The following SLC39A11 variants were observed in gnomAD, a reference collection of about 807,000 sequenced individuals.
SLC39A11 encodes solute carrier family 39 member 11.
SLC39A11 carries 33 observed loss-of-function variants against 36.1 expected under a neutral mutation model. The ratio of observed to expected loss-of-function variants is 0.91; its 90% CI spans 0.69 to 1.22. The LOEUF (loss-of-function observed/expected upper bound fraction) is 1.22, where lower values mean the gene tolerates loss of function less well. Ranked by LOEUF, SLC39A11 falls within the 50% of genes most tolerant of loss-of-function variation. The probability of loss-of-function intolerance (pLI) is 0.00; values close to 1 mark genes in which losing one functional copy is unlikely to be tolerated. For missense variants in SLC39A11, 432 were observed against 430.3 expected (o/e 1.00, Z -0.03); for synonymous variants, 166 against 170.3 (o/e 0.97, Z 0.20).
chr17:73,016,880 C>T (rs1027032362), intron 4 of SLC39A11, among the ~76,000 whole-genome samples: 66 of 152,282 alleles, frequency 4.3e-4, no homozygotes, highest in East Asian at 1.4e-3. Context: ...CTTATTCCTG[C>T]CATCTGAAGC....
intron 4 of SLC39A11, among the ~76,000 whole-genome samples, chr17:72,995,137 C>A (rs1598766192): frequency 6.6e-6 from 1 of 152,224 alleles, no homozygotes; most frequent in Non-Finnish European, 1.5e-5. Flanking sequence ...GGTTGAATGA[C>A]TGGCCCCAGT....
chr17:72,746,890 C>G (rs2074959103), intron 6 of SLC39A11, among the ~76,000 whole-genome samples: 2 of 151,774 alleles, frequency 1.3e-5, no homozygotes, highest in Non-Finnish European at 1.5e-5. Context: ...CTACCACACA[C>G]AAAAAAATTG....
chr17:72,669,166 A>G (rs1232890581), intron 7 of SLC39A11, among the ~76,000 whole-genome samples: 1 of 152,162 alleles, frequency 6.6e-6, no homozygotes, highest in East Asian at 1.9e-4. Flanking sequence ...TGTTTTTCTC[A>G]AAGTTATATA....
At chr17:72,802,310 C>T (rs1047032277) in intron 6 of SLC39A11, among the ~76,000 whole-genome samples, 1 of 152,090 alleles carries the variant, frequency 6.6e-6, no homozygotes, top group Admixed American at 6.5e-5. Flanking sequence ...ATATGGGTGG[C>T]CAGACACGGT....
At chr17:73,023,001 T>G (rs2058404507) in intron 4 of SLC39A11, among the ~76,000 whole-genome samples, 2 of 152,194 alleles carry the variant, frequency 1.3e-5, no homozygotes, top group African/African-American at 4.8e-5. Flanking sequence ...AGCCCAGAAT[T>G]ATCAGGCACC....
chr17:72,691,992 C>T (rs1179058776), intron 7 of SLC39A11, among the ~76,000 whole-genome samples: 1 of 151,374 alleles, frequency 6.6e-6, no homozygotes, highest in Non-Finnish European at 1.5e-5. Context: ...TAATCCCTCC[C>T]CCACCTACCT....
At chr17:72,737,699 T>A (rs1270778936) in intron 6 of SLC39A11, among the ~76,000 whole-genome samples, 1 of 152,174 alleles carries the variant, frequency 6.6e-6, no homozygotes, top group Non-Finnish European at 1.5e-5. Flanking sequence ...GGTAGAAACC[T>A]TTCTTTAACA....
At chr17:73,004,183 G>GA (rs1191488356) in intron 4 of SLC39A11, among the ~76,000 whole-genome samples, 24 of 84,924 alleles carry the variant, frequency 2.8e-4, no homozygotes, top group African/African-American at 1.2e-3. Flanking sequence ...AAGAAAGAAA[G>GA]AAAGAAAGAA....
chr17:72,947,089 G>A lies in SLC39A11; in HGVS notation c.430+663C>T, dbSNP rs534640985. Among the ~76,000 whole-genome samples the A allele has an allele frequency of 1.4e-3, 213 of 152,334 alleles. 1 individual carries two copies. The highest frequency in any genetic ancestry group is 4.9e-3 in the African/African-American group (204 of 41,584). ...TAATTCCAGCACTTTGGGAAGCCGAGACAGGCAGATCACCTGAAGTCAGGA... is the reference window on the plus strand; with the variant it reads ...TAATTCCAGCACTTTGGGAAGCCGAAACAGGCAGATCACCTGAAGTCAGGA... On this transcript the variant is annotated intron_variant, in intron 5 of 9. Coordinates refer to ENST00000255559, the MANE Select transcript of SLC39A11 (RefSeq NM_139177.4).
chr17:72,890,139 C>A (rs1443662482), intron 5 of SLC39A11, among the ~76,000 whole-genome samples: 1 of 152,056 alleles, frequency 6.6e-6, no homozygotes, highest in South Asian at 2.1e-4. Context: ...GTGGCAGGTG[C>A]CTGTAATCCC....
At chr17:72,738,604 G>A (rs1655551665) in intron 6 of SLC39A11, among the ~76,000 whole-genome samples, 2 of 152,194 alleles carry the variant, frequency 1.3e-5, no homozygotes, top group African/African-American at 2.4e-5. Context: ...GACCAAAGGA[G>A]TGGAAGCACA....
intron 6 of SLC39A11, among the ~76,000 whole-genome samples, chr17:72,842,279 A>C (rs1235980291): frequency 6.6e-6 from 1 of 152,204 alleles, no homozygotes; most frequent in Non-Finnish European, 1.5e-5. Flanking sequence ...GGAGTGATTA[A>C]CTTTGTTAAA....
At chr17:72,735,323 C>T (rs1000827958) in intron 7 of SLC39A11, among the ~76,000 whole-genome samples, 2 of 152,124 alleles carry the variant, frequency 1.3e-5, no homozygotes, top group East Asian at 1.9e-4. Flanking sequence ...TGCAAGGAAG[C>T]GGCCTGAACA....
At chr17:73,016,815 C>T (rs1291543658) in intron 4 of SLC39A11, among the ~76,000 whole-genome samples, 2 of 152,236 alleles carry the variant, frequency 1.3e-5, no homozygotes, top group African/African-American at 4.8e-5. Flanking sequence ...TCAGTTGGTT[C>T]CCTGAATCAG....
intron 5 of SLC39A11, among the ~76,000 whole-genome samples, chr17:72,879,093 C>A (rs1054468875): frequency 6.6e-6 from 1 of 152,206 alleles, no homozygotes; most frequent in Non-Finnish European, 1.5e-5. Flanking sequence ...AGGAAGGGGG[C>A]GTGGAGCTTC....
intron 4 of SLC39A11, among the ~76,000 whole-genome samples, chr17:72,988,366 C>A (rs1350212897): frequency 6.6e-6 from 1 of 152,180 alleles, no homozygotes; most frequent in Non-Finnish European, 1.5e-5. Context: ...GAGGCTGAGG[C>A]ATGAGAATTG....
intron 7 of SLC39A11, among the ~76,000 whole-genome samples, chr17:72,706,798 T>A (rs2072910745): frequency 6.6e-6 from 1 of 152,182 alleles, no homozygotes; most frequent in South Asian, 2.1e-4. Flanking sequence ...GAAGAGTGGT[T>A]CTCATCCTGT....
chr17:73,082,909 G>A lies in SLC39A11; in HGVS notation c.147+1899C>T, dbSNP rs139579183. ...TGCACACCTGTAATCCCAGTTACTC[G>A]GGAGCCTGCAGCAGGGGAATTGTTT... On this transcript the variant is annotated intron_variant, in intron 3 of 9. Transcript: ENST00000255559. Among the ~76,000 whole-genome samples, 562 of 151,178 alleles carry A rather than the reference G, an allele frequency of 3.7e-3. 6 individuals are homozygous for A. Among genetic ancestry groups the A allele is most frequent in the African/African-American group, 0.013 (538 of 41,122 alleles).
chr17:72,830,680 T>C (rs1171346237), intron 6 of SLC39A11, among the ~76,000 whole-genome samples: 1 of 151,968 alleles, frequency 6.6e-6, no homozygotes, highest in Non-Finnish European at 1.5e-5. Context: ...ACTAAACAAA[T>C]CAGGGCAGAG....
Sources: gnomAD v4.1 joint callset for allele counts (sites outside exome capture counted in the v4.1 genomes callset) on GRCh38, gnomAD v4.1.1 for gene constraint, MANE v1.5 for transcripts, NCBI Gene and HGNC (gene_info 2026-07-23, HGNC 2026-07-21) for gene names.